EP400: variants seen among roughly 807,000 people sequenced by gnomAD.
EP400 encodes E1A binding protein p400, also known as E1A-binding protein p400.
EP400 carries 105 observed loss-of-function variants against 354.1 expected under a neutral mutation model. The ratio of observed to expected loss-of-function variants is 0.30; its 90% CI spans 0.25 to 0.35. The LOEUF (loss-of-function observed/expected upper bound fraction) is 0.35. EP400 is among the 10% of genes least tolerant of loss of function. EP400 has a pLI of 1.00. For missense variants in EP400, 3,280 were observed against 4,121.0 expected (o/e 0.80, Z 5.59); for synonymous variants, 1,646 against 1,716.9 (o/e 0.96, Z 1.02).
chr12:131,951,388 G>C (rs904362877), intron 1 of EP400, among the ~76,000 whole-genome samples: 5 of 151,820 alleles, frequency 3.3e-5, no homozygotes, highest in African/African-American at 1.2e-4. Context: ...TTGCTGTGTT[G>C]CTCAGGCTGG....
chr12:131,961,440 G>A lies in EP400; in HGVS notation c.821G>A (p.Gly274Asp). The change falls in exon 2 of 53, where the codon GGC becomes GAC. Residue 274 changes from glycine to aspartate, a missense_variant. Physicochemically the swap from Gly to Asp is moderately conservative, Grantham distance 94. Transcript: ENST00000389561. ...CCGCAGATCAGCAGCATCATCCAGG[G>A]CCAGCTGGTTCAGCAGCAGCAGGTG... ...LPPQISSIIQGQLVQQQQVLQ... is the reference protein window; with the variant it reads ...LPPQISSIIQDQLVQQQQVLQ... 6.7e-7 allele frequency: 1 copy of A among 1,497,370 alleles called. No individual in the cohort carries two copies. The highest frequency in any genetic ancestry group is 9.1e-7 in the Non-Finnish European group (1 of 1,101,018). 92.8% of individuals were successfully genotyped at this position (1,497,370 alleles called of 1,614,324 possible). A position where few individuals can be genotyped will look rare whatever the true frequency, so the allele number is the denominator to read the frequency against.
At chr12:132,044,623 A>G (rs964543522) in intron 35 of EP400, 48 bp from the exon 36 acceptor site, 6 of 1,612,022 alleles carry the variant, frequency 3.7e-6, no homozygotes, top group South Asian at 1.1e-5. Context: ...GGCTTATAAC[A>G]TGACACTGAG....
chr12:131,978,651 A>C (rs1291870844), intron 2 of EP400, among the ~76,000 whole-genome samples: 1 of 152,018 alleles, frequency 6.6e-6, no homozygotes, highest in Non-Finnish European at 1.5e-5. Flanking sequence ...GACTACAGGC[A>C]TGTGTCACCA....
intron 39 of EP400, among the ~76,000 whole-genome samples, chr12:132,048,262 A>T (rs894695754): frequency 6.6e-6 from 1 of 152,236 alleles, no homozygotes; most frequent in Non-Finnish European, 1.5e-5. Flanking sequence ...TGGGGAAGTG[A>T]TAAGTGTCCA....
intron 30 of EP400, among the ~76,000 whole-genome samples, chr12:132,032,925 A>G (rs897042556): frequency 3.4e-4 from 51 of 149,440 alleles, no homozygotes; most frequent in African/African-American, 1.2e-3. Flanking sequence ...CACTGTGCCC[A>G]GCCAAAATCT....
At chr12:131,965,776 T>G (rs1260036766) in intron 2 of EP400, among the ~76,000 whole-genome samples, 1 of 152,350 alleles carries the variant, frequency 6.6e-6, no homozygotes, top group East Asian at 1.9e-4. Flanking sequence ...TTCATCTACT[T>G]TGTTTTATTT....
chr12:132,046,588 T>A (rs1367246291), intron 39 of EP400, among the ~76,000 whole-genome samples: 2 of 152,216 alleles, frequency 1.3e-5, no homozygotes, highest in African/African-American at 4.8e-5. Context: ...AAATCATTGG[T>A]CTTTCATGTA....
At chr12:132,024,050 C>G (rs990571514) in intron 24 of EP400, 109 bp downstream of exon 24, 38 of 1,246,340 alleles carry the variant, frequency 3.0e-5, no homozygotes, top group Non-Finnish European at 3.9e-5. Context: ...AGGCTTTTCC[C>G]TGTGTCCGAT....
In EP400 at chr12:132,013,947, C is replaced by T; in HGVS notation, c.3923+34C>T. The stretch of plus-strand genomic sequence containing the variant: ...GGGCTCTGGGCATGTGCCCCCTTTG[C>T]TGTCCCTGCCTGTGAGGGAAAACGG... On this transcript the variant is annotated intron_variant, in intron 19 of 52. Coordinates refer to ENST00000389561, the MANE Select transcript of EP400 (RefSeq NM_015409.5). The surrounding 1 kb of genome is among the most constrained non-coding windows in gnomAD (Gnocchi z 4.5). 1 of 1,603,720 alleles carries T rather than the reference C, an allele frequency of 6.2e-7. No individual in the cohort carries two copies. The highest frequency in any genetic ancestry group is 8.5e-7 in the Non-Finnish European group (1 of 1,175,256).
chr12:131,977,386 G>A (rs1566169111), intron 2 of EP400, among the ~76,000 whole-genome samples: 2 of 151,716 alleles, frequency 1.3e-5, no homozygotes, highest in African/African-American at 2.4e-5. Context: ...ACCCACCTCG[G>A]CCTCCCAAAG....
Position 132,023,951 on chromosome 12 carries a change from A to G in EP400, c.4855+10A>G. The G allele has an allele frequency of 2.5e-6, 4 of 1,584,700 alleles. No individual in the cohort carries two copies. Among genetic ancestry groups the G allele is most frequent in the Non-Finnish European group, 3.4e-6 (4 of 1,164,986 alleles). ...CCGCTGCAGCTGCAAGGTAAGGATAAGGATGAGAGAGCACTGATGCCAAAA... is the reference window on the plus strand; with the variant it reads ...CCGCTGCAGCTGCAAGGTAAGGATAGGGATGAGAGAGCACTGATGCCAAAA... On this transcript the variant is annotated intron_variant, in intron 24 of 52. Transcript: ENST00000389561.
At chr12:132,059,393 C>T (rs1742675806) in intron 45 of EP400, among the ~76,000 whole-genome samples, 1 of 151,908 alleles carries the variant, frequency 6.6e-6, no homozygotes, top group South Asian at 2.1e-4. Context: ...AGGTTGAAAC[C>T]ACAGGGTAGT....
intron 45 of EP400, among the ~76,000 whole-genome samples, chr12:132,061,866 G>A (rs145369053): frequency 3.3e-5 from 5 of 152,378 alleles, no homozygotes; most frequent in African/African-American, 7.2e-5. Flanking sequence ...GCATGTGCAC[G>A]GGCGTGCCGC....
At chr12:131,958,885 G>A (rs1184955593) in intron 1 of EP400, among the ~76,000 whole-genome samples, 1 of 152,194 alleles carries the variant, frequency 6.6e-6, no homozygotes, top group African/African-American at 2.4e-5. Flanking sequence ...ACAGAGATAA[G>A]CAGTGATGTC....
At chr12:132,043,538 A>C in intron 33 of EP400, 76 bp downstream of exon 33, 1 of 1,580,794 alleles carries the variant, frequency 6.3e-7, no homozygotes, top group African/African-American at 1.4e-5. Flanking sequence ...TGTTTACTGC[A>C]AGAAAAATCA....
In EP400 at chr12:132,079,419, C is replaced by T. The variant is rs543803977; in HGVS notation, c.*1746C>T. On this transcript the variant is annotated 3_prime_UTR_variant, in exon 53 of 53. Coordinates refer to ENST00000389561, the MANE Select transcript of EP400 (RefSeq NM_015409.5). ...AGGGAGGGCCGCTGTGTGCGCCTCA[C>T]ATCTGGCTCCCAGTGGAAACTTTTA... 12 of 152,420 alleles carry T rather than the reference C, an allele frequency of 7.9e-5. No homozygotes were observed. In the East Asian group the frequency reaches 2.3e-3, roughly 29 times the overall value. The allele number at this position is 152,420 out of a possible 1,614,324, so 9.4% of individuals were successfully genotyped here.
intron 2 of EP400, among the ~76,000 whole-genome samples, chr12:131,973,536 G>C (rs538460703): frequency 1.3e-5 from 2 of 152,172 alleles, no homozygotes; most frequent in African/African-American, 4.8e-5. Context: ...CCAGCTACTT[G>C]AGAGGCTGAG....
Position 132,067,402 on chromosome 12 carries a change from G to A in EP400, c.8790G>A (p.Leu2930=). The change falls in exon 50 of 53, where the codon CTG becomes CTA. Residue 2930 remains leucine (L), a synonymous_variant. Coordinates refer to ENST00000389561, the MANE Select transcript of EP400 (RefSeq NM_015409.5). The surrounding 1 kb of genome is among the most constrained non-coding windows in gnomAD (Gnocchi z 5.3). The stretch of plus-strand genomic sequence containing the variant: ...CCCAGCCCGTGCACATGCAGCAGCT[G>A]CTGAAGCTGAAGCAGCAGGCCGTCC... The part of the protein sequence containing the change: ...VVAQPVHMQQ[L]LKLKQQAVQQ... 6.2e-7 allele frequency: 1 copy of A among 1,613,568 alleles called. No individual in the cohort carries two copies. Among genetic ancestry groups the A allele is most frequent in the Non-Finnish European group, 8.5e-7 (1 of 1,180,048 alleles).
intron 30 of EP400, among the ~76,000 whole-genome samples, chr12:132,034,959 G>A (rs760829537): frequency 2.0e-5 from 3 of 152,178 alleles, no homozygotes; most frequent in Non-Finnish European, 4.4e-5. Context: ...GTACAGATAC[G>A]GTGAGCCCAG....
Sources: gnomAD v4.1 joint callset for allele counts (sites outside exome capture counted in the v4.1 genomes callset) on GRCh38, gnomAD v4.1.1 for gene constraint, Gnocchi (gnomAD v3.1) non-coding constraint, MANE v1.5 for transcripts, NCBI Gene and HGNC (gene_info 2026-07-23, HGNC 2026-07-21) for gene names.